The following TFE3 variants were observed in gnomAD, a reference collection of about 807,000 sequenced individuals.
TFE3 encodes the protein transcription factor binding to IGHM enhancer 3, also known as transcription factor E3.
Under a neutral mutation model 35.0 loss-of-function variants are expected in TFE3, and 5 were observed. The ratio of observed to expected loss-of-function variants is 0.14; its 90% CI spans 0.07 to 0.30. The LOEUF (loss-of-function observed/expected upper bound fraction) is 0.30, where lower values mean the gene tolerates loss of function less well. Ranked by LOEUF, TFE3 falls within the 10% of genes least tolerant of loss-of-function variation. The pLI, the probability that TFE3 is intolerant of heterozygous loss-of-function variation, is 1.00. For synonymous variants in TFE3, 211 were observed against 215.6 expected (o/e 0.98, Z 0.18); for missense variants, 374 against 496.6 (o/e 0.75, Z 2.35).
Position 49,037,996 on chromosome X carries a change from T to C in TFE3, c.885+14A>G, listed in dbSNP as rs782495968. The C allele has an allele frequency of 2.5e-6, 3 of 1,179,318 alleles. No individual in the cohort carries two copies. In the South Asian group the frequency reaches 5.6e-5, roughly 22 times the overall value. On this transcript the variant is annotated intron_variant, in intron 5 of 9. Coordinates refer to ENST00000315869, the MANE Select transcript of TFE3 (RefSeq NM_006521.6). ...CCCTAATTTTCAGACCAACCTCCCA[T>C]CTCAGGGCCTCACCGTGCTGGGGAG...
Position 49,039,403 on chromosome X carries a change from T to C in TFE3, c.238A>G (p.Ile80Val), listed in dbSNP as rs34558907. 1 of 1,176,510 alleles carries C rather than the reference T, an allele frequency of 8.5e-7. No homozygotes were observed. Among genetic ancestry groups the C allele is most frequent in the Non-Finnish European group, 1.1e-6 (1 of 878,785 alleles). ...QPLPLRSSLP[I>V]SLQATPATPA... ...GTGGCTGGTGTGGCCTGCAGTGATA[T>C]TGGGAGGCTGTGGAATGGGAAATAT... The change falls in exon 3 of 10, where the codon ATA becomes GTA. Residue 80 changes from isoleucine (I) to valine (V), a missense_variant. Physicochemically the swap from Ile to Val is conservative, Grantham distance 29 (BLOSUM62 3). Around this residue, in one of 3 missense-constraint regions of TFE3, gnomAD observed 90 missense variants for 87.5 expected, o/e 1.03. Transcript: ENST00000315869.
chrX:49,030,526 A>G lies in TFE3; in HGVS notation c.1360T>C (p.Ser454Pro), dbSNP rs1557073560. ...TCTGGCTTGAGGCTGTCAGAAGCCG[A>G]AGTCGTGGCCAAGGAAAGCAGCCCT... ...TPGLLSLATT[S>P]ASDSLKPEQL... Residue 454 changes from serine (S) to proline (P), a missense_variant, in exon 10 of 10, where the codon TCG becomes CCG. Ser to Pro is a moderately conservative substitution (Grantham distance 74). This residue lies in a region of TFE3 where 117 missense variants were observed against 111.9 expected (regional missense o/e 1.05). Coordinates refer to ENST00000315869, the MANE Select transcript of TFE3 (RefSeq NM_006521.6). The G allele has an allele frequency of 3.2e-5, 39 of 1,211,787 alleles. No homozygotes were observed. The highest frequency in any genetic ancestry group is 3.9e-5 in the Non-Finnish European group (35 of 895,489).
At chrX:49,030,649 C>A (rs2064695059) in intron 9 of TFE3, 48 bp from the exon 10 acceptor site, 1 of 1,071,295 alleles carries the variant, frequency 9.3e-7, no homozygotes, top group Non-Finnish European at 1.3e-6. Flanking sequence ...TTCAGAGTCC[C>A]TCAGAGGCAG....
At chrX:49,036,352 G>A (rs925886205) in intron 5 of TFE3, among the ~76,000 whole-genome samples, 9 of 104,393 alleles carry the variant, frequency 8.6e-5, no homozygotes, top group Admixed American at 8.4e-4. Context: ...CTGTAATCTC[G>A]GCTACTTGGG....
rs782249515 is a variant in TFE3, at chrX:49,033,357, G to A, written c.1136+108C>T. 510 of 704,202 alleles carry A rather than the reference G, an allele frequency of 7.2e-4. 2 individuals are homozygous for A. The highest frequency in any genetic ancestry group is 1.0e-3 in the Non-Finnish European group (482 of 471,431). 58.0% of individuals were successfully genotyped at this position (704,202 alleles called of 1,213,427 possible). A position where few individuals can be genotyped will look rare whatever the true frequency, so the allele number is the denominator to read the frequency against. On this transcript the variant is annotated intron_variant, in intron 8 of 9. Coordinates refer to ENST00000315869, the MANE Select transcript of TFE3 (RefSeq NM_006521.6). ...GGCTGAGAAAGAACCAGACAGAGGA[G>A]AAATGCCTGGGCCGAGACTGCCTGG...
intron 5 of TFE3, among the ~76,000 whole-genome samples, chrX:49,035,561 C>A (rs1019003404): frequency 6.8e-5 from 7 of 103,174 alleles, no homozygotes; most frequent in Non-Finnish European, 1.2e-4. Context: ...CACCCGCCAC[C>A]ACGCCCAGCT....
chrX:49,031,226 G>C (rs868970507), intron 9 of TFE3, among the ~76,000 whole-genome samples, 171 bp downstream of exon 9: 2 of 111,539 alleles, frequency 1.8e-5, no homozygotes, highest in African/African-American at 6.5e-5. Context: ...TATTATCCTT[G>C]TTAATATTAT....
rs781835878 is a variant in TFE3 at position 49,038,356 on chromosome X, G to T, written c.621C>A (p.Leu207=). 1.7e-6 allele frequency: 2 copies of T among 1,206,426 alleles called. No homozygotes were observed. Among genetic ancestry groups the T allele is most frequent in the Admixed American group, 4.4e-5 (2 of 45,391 alleles). Residue 207 remains leucine, a synonymous_variant, in exon 4 of 10, where the codon CTC becomes CTA. Transcript: ENST00000315869. The part of the protein sequence containing the change: ...QQVKQYLSTT[L]GPKLASQALT... ...GGGCCTGGGAAGCCAGCTTGGGCCCGAGTGTGGTGGACAGGTACTGTTTCA... is the reference window on the plus strand; with the variant it reads ...GGGCCTGGGAAGCCAGCTTGGGCCCTAGTGTGGTGGACAGGTACTGTTTCA...
chrX:49,040,654 AG>A (rs1316947811), intron 1 of TFE3, 86 bp from the exon 2 acceptor site: 8 of 647,096 alleles, frequency 1.2e-5, no homozygotes, highest in Non-Finnish European at 1.2e-5. Flanking sequence ...AGAGAGAGAG[AG>A]GGGGGGAGAA....
chrX:49,040,874 T>C (rs782049277), intron 1 of TFE3, among the ~76,000 whole-genome samples: 2 of 108,239 alleles, frequency 1.8e-5, no homozygotes, highest in Admixed American at 1.0e-4. Context: ...GGAATAACAA[T>C]TCACTTTATA....
Position 49,028,982 on chromosome X carries a change from A to G in TFE3, c.*1176T>C, listed in dbSNP as rs2064682892. 1 of 171,355 alleles carries G rather than the reference A, an allele frequency of 5.8e-6. No individual in the cohort carries two copies. The highest frequency in any genetic ancestry group is 1.1e-5 in the Non-Finnish European group (1 of 89,825). The allele number at this position is 171,355 out of a possible 1,213,427, so 14.1% of individuals were successfully genotyped here. ...CTAGATTCTCAGTATGCGGAGCAAT[A>G]AAAAAATCAGATAAACAAATGAGGG... On this transcript the variant is annotated 3_prime_UTR_variant, in exon 10 of 10. Transcript: ENST00000315869.
At chrX:49,031,718 T>G (rs1474320602) in intron 8 of TFE3, 174 bp from the exon 9 acceptor site, 2 of 468,637 alleles carry the variant, frequency 4.3e-6, no homozygotes, top group East Asian at 8.2e-5. Context: ...AATCTTACAA[T>G]GGTGCCCCAT....
chrX:49,030,257 T>C lies in TFE3; in HGVS notation c.1629A>G (p.Pro543=), dbSNP rs782529128. The stretch of plus-strand genomic sequence containing the variant: ...GCAGGGGATCGGAGGCAGCCCGCAG[T>C]GGGGACAGGGCACCCCCCGACAGTC... ...VGGLSGGALS[P]LRAASDPLLS... The change falls in exon 10 of 10, where the codon CCA becomes CCG. Residue 543 remains proline, a synonymous_variant. Coordinates refer to ENST00000315869, the MANE Select transcript of TFE3 (RefSeq NM_006521.6). 7.9e-5 allele frequency: 95 copies of C among 1,207,117 alleles called. No homozygotes were observed. The highest frequency in any genetic ancestry group is 5.1e-5 in the Non-Finnish European group (46 of 893,894).
Position 49,029,883 on chromosome X carries a change from G to A in TFE3, c.*275C>T. On this transcript the variant is annotated 3_prime_UTR_variant, in exon 10 of 10. Transcript: ENST00000315869. ...GTCCCACAGGGGCAGGGGTGAGGCT[G>A]TGATCCCCAGGGGGCAGGCCCTGAT... The A allele has an allele frequency of 2.0e-6, 1 of 506,301 alleles. No homozygotes were observed. 41.7% of individuals were successfully genotyped at this position (506,301 alleles called of 1,213,427 possible). A position where few individuals can be genotyped will look rare whatever the true frequency, so the allele number is the denominator to read the frequency against.
chrX:49,040,655 G>C (rs782529857), intron 1 of TFE3, 87 bp from the exon 2 acceptor site: 21 of 641,380 alleles, frequency 3.3e-5, no homozygotes, highest in African/African-American at 2.9e-4. Flanking sequence ...GAGAGAGAGA[G>C]GGGGGGAGAA....
intron 3 of TFE3, 36 bp from the exon 4 acceptor site, chrX:49,038,478 A>C: frequency 8.4e-7 from 1 of 1,184,470 alleles, no homozygotes; most frequent in Non-Finnish European, 1.1e-6. Flanking sequence ...GAGAGGGGAC[A>C]AGGCAGAACA....
intron 1 of TFE3, among the ~76,000 whole-genome samples, chrX:49,041,046 C>T (rs1196318170): frequency 1.8e-5 from 2 of 108,572 alleles, no homozygotes; most frequent in African/African-American, 3.4e-5. Context: ...GATTCTCACG[C>T]CTCAGCCTCC....
chrX:49,038,959 C>T (rs1006108251), intron 3 of TFE3, 148 bp downstream of exon 3: 2 of 556,990 alleles, frequency 3.6e-6, no homozygotes, highest in African/African-American at 4.9e-5. Context: ...GACATGAACA[C>T]AGATAATTTA....
chrX:49,042,015 AG>A (rs1272400437), intron 1 of TFE3, among the ~76,000 whole-genome samples: 1 of 20,729 alleles, frequency 4.8e-5, no homozygotes, highest in Non-Finnish European at 4.8e-3. Context: ...AAGGAGGCAA[AG>A]ACCCCCCCCC....
Sources: allele counts gnomAD v4.1 joint callset (sites outside exome capture counted in the v4.1 genomes callset), GRCh38; gene constraint gnomAD v4.1.1; regional missense constraint gnomAD v4.1.1; transcripts MANE v1.5; gene names NCBI Gene and HGNC (gene_info 2026-07-23, HGNC 2026-07-21).